Variants in NF1 observed in about 807,000 individuals in gnomAD.
NF1 encodes neurofibromin.
NF1 carries 122 observed loss-of-function variants against 325.7 expected under a neutral mutation model. That is an observed-to-expected ratio of 0.37 (90% CI 0.32 to 0.44). The LOEUF (loss-of-function observed/expected upper bound fraction) is 0.44. NF1 is among the 20% of genes least tolerant of loss of function. NF1 has a pLI of 1.00. For missense variants in NF1, 2,140 were observed against 3,415.4 expected (o/e 0.63, Z 9.31); for synonymous variants, 1,091 against 1,186.0 (o/e 0.92, Z 1.65).
Position 31,227,539 on chromosome 17 carries a change from A to T in NF1, c.2342A>T (p.His781Leu), listed in dbSNP as rs199474763. The T allele has an allele frequency of 7.4e-6, 12 of 1,613,752 alleles. No homozygotes were observed. Among genetic ancestry groups the T allele is most frequent in the African/African-American group, 1.3e-5 (1 of 74,922 alleles). The change falls in exon 20 of 58, where the codon CAT becomes CTT. Residue 781 changes from histidine to leucine, a missense_variant. Physicochemically the swap from His to Leu is moderately conservative, Grantham distance 99. Coordinates refer to ENST00000358273, the MANE Select transcript of NF1 (RefSeq NM_001042492.3). ...AGNTEAWEDT[H>L]AKWEQATKLI... ...TCATTTTAGGCTTGGGAAGATACAC[A>T]TGCAAAATGGGAACAAGCAACAAAG...
Position 31,295,605 on chromosome 17 carries a change from T to C in NF1, c.4836-30215T>C. ...CCTATCACATGGGCTTTTGTTTCCA[T>C]CATCCACTTCAGTAAGTAAGTAATG... is the stretch of plus-strand genomic sequence containing the variant. On this transcript the variant is annotated intron_variant, in intron 36 of 57. Transcript: ENST00000358273. The C allele has an allele frequency of 6.2e-7, 1 of 1,614,174 alleles. No individual in the cohort carries two copies. Among genetic ancestry groups the C allele is most frequent in the Non-Finnish European group, 8.5e-7 (1 of 1,180,026 alleles).
chr17:31,178,356 C>G (rs2066062094), intron 5 of NF1, among the ~76,000 whole-genome samples: 1 of 152,194 alleles, frequency 6.6e-6, no homozygotes, highest in African/African-American at 2.4e-5. Flanking sequence ...CTTACAAGAG[C>G]TCCTGAAGGA....
chr17:31,109,109 A>G (rs1226787546), intron 1 of NF1, among the ~76,000 whole-genome samples: 1 of 152,250 alleles, frequency 6.6e-6, no homozygotes, highest in Non-Finnish European at 1.5e-5. Context: ...AGTCCATAGT[A>G]TTAAAATCAC....
intron 12 of NF1, among the ~76,000 whole-genome samples, chr17:31,209,156 G>A (rs1180584241): frequency 6.6e-6 from 1 of 152,084 alleles, no homozygotes; most frequent in Admixed American, 6.5e-5. Context: ...AACCAAACAT[G>A]TCTCCAAACA....
At chr17:31,289,422 C>T (rs995324895) in intron 36 of NF1, among the ~76,000 whole-genome samples, 8 of 152,312 alleles carry the variant, frequency 5.3e-5, no homozygotes, top group African/African-American at 1.9e-4. Context: ...TGTTTTCTTA[C>T]TCAGTCTAGA....
rs748424913 is a variant in NF1, at chr17:31,235,900, A to G, written c.3871-18A>G. The G allele has an allele frequency of 5.6e-6, 9 of 1,610,354 alleles. No homozygotes were observed. The Admixed American group carries it at 1.0e-4, about 18-fold the overall frequency. ...TATGGAGCAGGTATAATAAACTCCT[A>G]TTCGTGCATTTCTGTAGGTATATGG... On this transcript the variant is annotated intron_variant, in intron 28 of 57. Coordinates refer to ENST00000358273, the MANE Select transcript of NF1 (RefSeq NM_001042492.3).
intron 4 of NF1, among the ~76,000 whole-genome samples, chr17:31,164,523 C>T (rs1256177947): frequency 2.0e-5 from 3 of 152,106 alleles, no homozygotes; most frequent in Non-Finnish European, 4.4e-5. Flanking sequence ...AGACTAATAC[C>T]GAATAGAGAA....
At chr17:31,282,369 G>C (rs544404593) in intron 36 of NF1, among the ~76,000 whole-genome samples, 2 of 139,218 alleles carry the variant, frequency 1.4e-5, no homozygotes, top group South Asian at 4.5e-4. Flanking sequence ...GTGACAGAGC[G>C]AGATTCCATC....
rs1036632963 is a variant in NF1 at position 31,222,428 on chromosome 17, A to G, written c.1721+499A>G. 3.1e-5 allele frequency: 32 copies of G among 1,032,704 alleles called. No individual in the cohort carries two copies. The African/African-American group carries it at 5.4e-4, about 17-fold the overall frequency. The allele number at this position is 1,032,704 out of a possible 1,614,324, so 64.0% of individuals were successfully genotyped here. A position where few individuals can be genotyped will look rare whatever the true frequency, so the allele number is the denominator to read the frequency against. On this transcript the variant is annotated intron_variant, in intron 15 of 57. Transcript: ENST00000358273. ...TGCTTCCTAGATTATACAAATCATT[A>G]CATTTTAATGAGCATGAAGTCACCA...
chr17:31,361,650 A>G (rs542840380), intron 57 of NF1: 1 of 152,354 alleles, frequency 6.6e-6, no homozygotes, highest in East Asian at 1.9e-4. Context: ...TACTATATAT[A>G]GTTCTTTTAA....
intron 36 of NF1, among the ~76,000 whole-genome samples, chr17:31,280,363 G>A (rs1291364680): frequency 6.6e-6 from 1 of 151,284 alleles, no homozygotes; most frequent in Non-Finnish European, 1.5e-5. Context: ...AGATAAATTA[G>A]CTGGGCGTGG....
At chr17:31,316,717 T>G (rs1439158665) in intron 36 of NF1, among the ~76,000 whole-genome samples, 1 of 152,228 alleles carries the variant, frequency 6.6e-6, no homozygotes, top group East Asian at 1.9e-4. Context: ...TCACCATGAC[T>G]GGCATGAATA....
At chr17:31,214,305 A>G (rs2066781703) in intron 12 of NF1, 146 bp from the exon 13 acceptor site, 3 of 604,426 alleles carry the variant, frequency 5.0e-6, no homozygotes, top group Admixed American at 3.1e-5. Flanking sequence ...TATGCTTACT[A>G]TTGAGTGTTT....
At chr17:31,359,163 T>C in intron 56 of NF1, 148 bp downstream of exon 56, 1 of 703,244 alleles carries the variant, frequency 1.4e-6, no homozygotes, top group Non-Finnish European at 2.4e-6. Context: ...AAGTTTCTCA[T>C]CACAAGGTTT....
Position 31,101,585 on chromosome 17 carries a change from T to A in NF1, c.60+6216T>A, listed in dbSNP as rs116774613. On this transcript the variant is annotated intron_variant, in intron 1 of 57. Transcript: ENST00000358273. ...ATGTTCCAGGCAGGTCACCTCAGTCTCTTCTGTGTGTATCATGCTTCTTCC... is the reference window on the plus strand; with the variant it reads ...ATGTTCCAGGCAGGTCACCTCAGTCACTTCTGTGTGTATCATGCTTCTTCC... Among the ~76,000 whole-genome samples the A allele has an allele frequency of 1.9e-3, 283 of 152,334 alleles. 3 individuals carry two copies. The highest frequency in any genetic ancestry group is 6.5e-3 in the African/African-American group (270 of 41,582).
chr17:31,258,627 GT>G, intron 32 of NF1, 125 bp downstream of exon 32: 1 of 1,016,708 alleles, frequency 9.8e-7, no homozygotes, highest in Non-Finnish European at 1.4e-6. Context: ...ATGTGCTTTT[GT>G]TTTATTTGTT....
At chr17:31,320,511 A>G in intron 36 of NF1, 1 of 1,242,306 alleles carries the variant, frequency 8.0e-7, no homozygotes, top group Non-Finnish European at 1.2e-6. Flanking sequence ...TGACATTTGT[A>G]TACTATTAAA....
intron 39 of NF1, among the ~76,000 whole-genome samples, chr17:31,334,058 G>A (rs887324097): frequency 2.4e-4 from 36 of 152,182 alleles, no homozygotes; most frequent in Admixed American, 1.7e-3. Context: ...AGGCCGAGGC[G>A]GGCAGATCAC....
chr17:31,361,936 T>C (rs1172225265), intron 57 of NF1, among the ~76,000 whole-genome samples: 3 of 152,236 alleles, frequency 2.0e-5, no homozygotes, highest in Non-Finnish European at 2.9e-5. Context: ...CAAGTAATCC[T>C]TTTTTCCCCC....
Sources: gnomAD v4.1 joint callset for allele counts (sites outside exome capture counted in the v4.1 genomes callset) on GRCh38, gnomAD v4.1.1 for gene constraint, MANE v1.5 for transcripts, NCBI Gene and HGNC (gene_info 2026-07-23, HGNC 2026-07-21) for gene names.